The following FAT3 variants were observed in gnomAD, a reference collection of about 807,000 sequenced individuals.
FAT3 encodes FAT atypical cadherin 3.
A neutral mutation model predicts 310.2 loss-of-function variants in FAT3; 95 were observed. That is an observed-to-expected ratio of 0.31 (90% CI 0.26 to 0.36). FAT3 has a LOEUF of 0.36. FAT3 is among the 10% of genes least tolerant of loss of function. FAT3 has a pLI of 1.00. For synonymous variants in FAT3, 2,314 were observed against 2,192.9 expected (o/e 1.06, Z -1.54); for missense variants, 5,408 against 5,715.6 (o/e 0.95, Z 1.74).
intron 1 of FAT3, among the ~76,000 whole-genome samples, chr11:92,264,856 A>G (rs1267501758): frequency 2.0e-5 from 3 of 152,096 alleles, no homozygotes; most frequent in Non-Finnish European, 4.4e-5. Context: ...CCTACTGTTA[A>G]TCATTCAAAG....
Position 92,882,982 on chromosome 11 carries a change from C to T in FAT3, c.12526C>T (p.Arg4176Cys), listed in dbSNP as rs1361332470. 1.9e-6 allele frequency: 3 copies of T among 1,613,802 alleles called. No individual in the cohort carries two copies. The African/African-American group carries it at 4.0e-5, about 22-fold the overall frequency. The stretch of plus-strand genomic sequence containing the variant: ...CCTGGTGGTTCTCTTCATAGTCTTC[C>T]GCAAGAAGGTCTTCCGCAAGAACTA... ...FILVVLFIVF[R>C]KKVFRKNYSR... is the part of the protein sequence containing the mutation. The change falls in exon 24 of 28, where the codon CGC (arginine) becomes TGC (cysteine). Residue 4176 changes from arginine to cysteine, a missense_variant. This residue lies in a region of FAT3 where 649 missense variants were observed against 666.2 expected (regional missense o/e 0.97). Transcript: ENST00000525166.
intron 3 of FAT3, among the ~76,000 whole-genome samples, chr11:92,616,701 T>G (rs1162710012): frequency 6.6e-6 from 1 of 152,182 alleles, no homozygotes; most frequent in African/African-American, 2.4e-5. Flanking sequence ...GCATTTGTTT[T>G]TCTGTAAAGG....
chr11:92,847,006 C>G (rs546243029), intron 19 of FAT3, among the ~76,000 whole-genome samples: 27 of 152,356 alleles, frequency 1.8e-4, no homozygotes, highest in African/African-American at 6.3e-4. Flanking sequence ...CAGGGCCATA[C>G]AGCTGATGAG....
At chr11:92,552,358 T>A (rs1954849259) in intron 3 of FAT3, among the ~76,000 whole-genome samples, 1 of 152,202 alleles carries the variant, frequency 6.6e-6, no homozygotes, top group Non-Finnish European at 1.5e-5. Flanking sequence ...TGGAGTGCTC[T>A]TTGTAAAAGT....
chr11:92,774,315 C>A, intron 7 of FAT3, 135 bp downstream of exon 7: 1 of 1,013,710 alleles, frequency 9.9e-7, no homozygotes, highest in Non-Finnish European at 1.4e-6. Context: ...AAATCATTTT[C>A]AAGAACAAGT....
At chr11:92,830,743 A>G (rs2085464598) in intron 13 of FAT3, among the ~76,000 whole-genome samples, 1 of 152,134 alleles carries the variant, frequency 6.6e-6, no homozygotes, top group South Asian at 2.1e-4. Context: ...AGCTAATGAC[A>G]ACCCCCTCTT....
intron 2 of FAT3, among the ~76,000 whole-genome samples, chr11:92,444,147 A>G (rs925532004): frequency 6.6e-6 from 1 of 152,198 alleles, no homozygotes; most frequent in African/African-American, 2.4e-5. Flanking sequence ...AAATGAGAGT[A>G]TCTTCTCTAT....
intron 2 of FAT3, among the ~76,000 whole-genome samples, chr11:92,427,610 G>T (rs183628917): frequency 5.7e-4 from 87 of 152,222 alleles, no homozygotes; most frequent in African/African-American, 2.0e-3. Context: ...GGCCTTTGTT[G>T]CATCTATTGA....
intron 15 of FAT3, among the ~76,000 whole-genome samples, chr11:92,835,743 GACAC>G (rs1948389758): frequency 6.6e-6 from 1 of 152,094 alleles, no homozygotes. Flanking sequence ...TACACACACA[GACAC>G]ACAGAGTTGG....
chr11:92,742,146 G>A (rs76003372), intron 4 of FAT3, among the ~76,000 whole-genome samples: 269 of 152,310 alleles, frequency 1.8e-3, no homozygotes, highest in African/African-American at 6.1e-3. Flanking sequence ...GAATGCAGGG[G>A]TGTGAAAGAA....
intron 3 of FAT3, among the ~76,000 whole-genome samples, chr11:92,593,672 A>G (rs766710657): frequency 1.1e-4 from 17 of 152,282 alleles, no homozygotes; most frequent in South Asian, 2.1e-4. Flanking sequence ...AAGAGTCTGC[A>G]GCACTGACCT....
chr11:92,519,135 T>C (rs1042881822), intron 2 of FAT3, among the ~76,000 whole-genome samples: 2 of 152,160 alleles, frequency 1.3e-5, no homozygotes, highest in Non-Finnish European at 2.9e-5. Context: ...TTACACTTCC[T>C]GATTTCAAGA....
chr11:92,793,776 A>G (rs191683377), intron 9 of FAT3, among the ~76,000 whole-genome samples: 1 of 152,306 alleles, frequency 6.6e-6, no homozygotes, highest in East Asian at 1.9e-4. Flanking sequence ...GTCTGTCGTG[A>G]ATAATGCCAA....
rs56843577 is a variant in FAT3 at position 92,805,185 on chromosome 11, C to T, written c.8929C>T (p.Leu2977=). 4,153 of 1,612,946 alleles carry T rather than the reference C, an allele frequency of 2.6e-3. 129 individuals carry two copies. In the African/African-American group the frequency reaches 0.049, roughly 19 times the overall value. ...GNPRGRFALG[L]VQSEWKVYVK... is the part of the protein sequence containing the mutation. ...CCCTCGAGGAAGGTTTGCTCTGGGCCTGGTGCAAAGTGAGTGGAAGGTCTA... is the reference window on the plus strand; with the variant it reads ...CCCTCGAGGAAGGTTTGCTCTGGGCTTGGTGCAAAGTGAGTGGAAGGTCTA... The change falls in exon 11 of 28, where the codon CTG becomes TTG. Residue 2977 remains leucine (L), a synonymous_variant. Coordinates refer to ENST00000525166, the MANE Select transcript of FAT3 (RefSeq NM_001367949.2).
chr11:92,757,308 CT>C (rs1436835086), intron 4 of FAT3, among the ~76,000 whole-genome samples: 10 of 152,116 alleles, frequency 6.6e-5, no homozygotes, highest in African/African-American at 2.2e-4. Context: ...GCCAGCACCA[CT>C]GATTATTGAT....
Position 92,806,888 on chromosome 11 carries a change from T to C in FAT3, c.9247+373T>C, listed in dbSNP as rs570485719. Among the ~76,000 whole-genome samples, 61 of 152,198 alleles carry C rather than the reference T, an allele frequency of 4.0e-4. 1 individual carries two copies. Among genetic ancestry groups the C allele is most frequent in the South Asian group, 8.3e-4 (4 of 4,806 alleles). Reference sequence around the variant, plus strand: ...AATAATCTGGAGGGCATCCATTATTTTGTAAATAATTCTCCTAGGAAACTC... The same window carrying C: ...AATAATCTGGAGGGCATCCATTATTCTGTAAATAATTCTCCTAGGAAACTC... On this transcript the variant is annotated intron_variant, in intron 12 of 27. Transcript: ENST00000525166.
intron 3 of FAT3, among the ~76,000 whole-genome samples, chr11:92,566,333 C>G (rs1030305452): frequency 1.3e-5 from 2 of 151,976 alleles, no homozygotes; most frequent in Non-Finnish European, 2.9e-5. Flanking sequence ...TTACAAGGGA[C>G]GTGAAGGAAC....
At chr11:92,309,536 G>A (rs979533520) in intron 1 of FAT3, among the ~76,000 whole-genome samples, 5 of 152,072 alleles carry the variant, frequency 3.3e-5, no homozygotes, top group African/African-American at 1.2e-4. Flanking sequence ...TCACCTTCGG[G>A]AAAGTAATTA....
At chr11:92,631,175 A>G (rs113082920) in intron 3 of FAT3, among the ~76,000 whole-genome samples, 16 of 152,322 alleles carry the variant, frequency 1.1e-4, no homozygotes, top group African/African-American at 3.4e-4. Flanking sequence ...TTTTACTGCT[A>G]TAAATTTGAA....
Sources: gnomAD v4.1 joint callset for allele counts (sites outside exome capture counted in the v4.1 genomes callset) on GRCh38, gnomAD v4.1.1 for gene constraint, gnomAD v4.1.1 regional missense constraint, MANE v1.5 for transcripts, NCBI Gene and HGNC (gene_info 2026-07-23, HGNC 2026-07-21) for gene names.